Variants in NOP58 observed in about 807,000 individuals in gnomAD.
The protein encoded by NOP58 is nucleolar protein 58.
In NOP58, 44 loss-of-function variants were observed where a neutral mutation model predicts 71.2. The ratio of observed to expected loss-of-function variants is 0.62; its 90% CI spans 0.49 to 0.79. NOP58 has a LOEUF of 0.79. Among genes scored for constraint, NOP58 ranks in the 30% least tolerant of loss-of-function variants. The probability of loss-of-function intolerance (pLI) is 0.00; values close to 1 mark genes in which losing one functional copy is unlikely to be tolerated. For missense variants in NOP58, 538 were observed against 620.2 expected (o/e 0.87, Z 1.41); for synonymous variants, 228 against 200.3 (o/e 1.14, Z -1.17).
At chr2:202,303,209 A>G (rs1689122752) in intron 14 of NOP58, 152 bp downstream of exon 14, 2 of 1,312,296 alleles carry the variant, frequency 1.5e-6, no homozygotes, top group East Asian at 2.3e-5. Flanking sequence ...TATTTATATT[A>G]TAAAAGGCCA....
At chr2:202,277,588 A>T (rs1258085135) in intron 2 of NOP58, among the ~76,000 whole-genome samples, 1 of 152,144 alleles carries the variant, frequency 6.6e-6, no homozygotes, top group Non-Finnish European at 1.5e-5. Flanking sequence ...ATATCATGAG[A>T]TTCCTAAAAA....
At chr2:202,293,509 G>T (rs1037870795) in intron 9 of NOP58, among the ~76,000 whole-genome samples, 1 of 152,150 alleles carries the variant, frequency 6.6e-6, no homozygotes, top group Admixed American at 6.5e-5. Flanking sequence ...TCATTTTTAT[G>T]TTACTTGGAG....
chr2:202,287,593 T>A (rs1316389001), intron 5 of NOP58, 67 bp from the exon 6 acceptor site: 1 of 1,256,394 alleles, frequency 8.0e-7, no homozygotes, highest in Non-Finnish European at 1.2e-6. Flanking sequence ...AAAAAAACTT[T>A]AAGGTGTTAA....
intron 1 of NOP58, among the ~76,000 whole-genome samples, chr2:202,273,378 C>T (rs1334010274): frequency 1.3e-5 from 2 of 152,166 alleles, no homozygotes; most frequent in Non-Finnish European, 2.9e-5. Flanking sequence ...TTCTGTATTA[C>T]ATTTGTCTCA....
chr2:202,284,152 A>G (rs1038064504), intron 4 of NOP58, among the ~76,000 whole-genome samples, 193 bp from the exon 5 acceptor site: 9 of 152,084 alleles, frequency 5.9e-5, no homozygotes, highest in African/African-American at 2.2e-4. Context: ...ATGGTGGCTC[A>G]TGCCTGCAAT....
At position 202,265,788 on chromosome 2, in the gene NOP58, T is replaced by G; in HGVS notation, c.-154T>G. On this transcript the variant is annotated 5_prime_UTR_variant, in exon 1 of 15. Coordinates refer to ENST00000264279, the MANE Select transcript of NOP58 (RefSeq NM_015934.5). ...CTAGTTCCAGTACAGCGTGGAGGGT[T>G]TAGGCAGCGTGTTCTGATTCTTTGC... 1 of 756,824 alleles carries G rather than the reference T, an allele frequency of 1.3e-6. No individual in the cohort carries two copies. The highest frequency in any genetic ancestry group is 2.3e-6 in the Non-Finnish European group (1 of 443,584). 46.9% of individuals were successfully genotyped at this position (756,824 alleles called of 1,614,324 possible). A position where few individuals can be genotyped will look rare whatever the true frequency, so the allele number is the denominator to read the frequency against.
At chr2:202,294,378 T>C (rs190245933) in intron 9 of NOP58, among the ~76,000 whole-genome samples, 99 of 152,176 alleles carry the variant, frequency 6.5e-4, no homozygotes, top group African/African-American at 2.1e-3. Context: ...TGTTACACTT[T>C]TAAAACTATG....
intron 4 of NOP58, among the ~76,000 whole-genome samples, chr2:202,283,403 G>A (rs1381374887): frequency 1.3e-5 from 2 of 150,590 alleles, no homozygotes; most frequent in Non-Finnish European, 2.9e-5. Context: ...GCCTCCCAAA[G>A]TGCTAGGATT....
chr2:202,278,003 G>A lies in NOP58; in HGVS notation c.175+1G>A, dbSNP rs1302697473. On this transcript the variant is annotated splice_donor_variant, in intron 3 of 14. Coordinates refer to ENST00000264279, the MANE Select transcript of NOP58 (RefSeq NM_015934.5). LOFTEE classifies it high-confidence loss of function. ...CAGGATACAGCAGAAGCATTAGCAG[G>A]TAAAGTAAAAAATTAGAAGCTTGCT... 6.5e-7 allele frequency: 1 copy of A among 1,542,412 alleles called. No individual in the cohort carries two copies. The highest frequency in any genetic ancestry group is 1.4e-5 in the African/African-American group (1 of 72,930).
chr2:202,279,654 G>T (rs1208615190), intron 3 of NOP58, among the ~76,000 whole-genome samples: 1 of 152,132 alleles, frequency 6.6e-6, no homozygotes, highest in Non-Finnish European at 1.5e-5. Context: ...AATTAGCCGG[G>T]TGTGGTGGCA....
intron 11 of NOP58, 115 bp downstream of exon 11, chr2:202,297,628 A>G (rs571170901): frequency 1.8e-6 from 2 of 1,111,176 alleles, no homozygotes; most frequent in African/African-American, 3.2e-5. Context: ...AGTATGTCTA[A>G]AGTATTCTTT....
chr2:202,287,830 G>A (rs1012010033), intron 6 of NOP58, 106 bp downstream of exon 6: 3 of 901,844 alleles, frequency 3.3e-6, no homozygotes, highest in Non-Finnish European at 5.3e-6. Context: ...AGAGAAAGGA[G>A]GCCAGGTGTG....
chr2:202,286,580 G>A (rs957322217), intron 5 of NOP58, among the ~76,000 whole-genome samples: 1 of 152,170 alleles, frequency 6.6e-6, no homozygotes, highest in African/African-American at 2.4e-5. Context: ...AGATTGAAAG[G>A]GTTGAAGCTG....
At chr2:202,291,741 A>C (rs1485294464) in intron 8 of NOP58, among the ~76,000 whole-genome samples, 1 of 123,984 alleles carries the variant, frequency 8.1e-6, no homozygotes, top group Non-Finnish European at 1.6e-5. Context: ...AGGGAGGGGG[A>C]GGTTGCAGTG....
chr2:202,290,567 TTC>T lies in NOP58; in HGVS notation c.634+112_634+113del. 3 of 919,652 alleles carry T rather than the reference TTC, an allele frequency of 3.3e-6. No homozygotes were observed. The East Asian group carries it at 7.5e-5, about 23-fold the overall frequency. 57.0% of individuals were successfully genotyped at this position (919,652 alleles called of 1,614,324 possible). On this transcript the variant is annotated intron_variant, in intron 7 of 14. Coordinates refer to ENST00000264279, the MANE Select transcript of NOP58 (RefSeq NM_015934.5). ...GCAAGATTCCCAGGGTTTTTGCAAT[TTC>T]TGTGTATTTGGGAAGTGTAGCAGTT...
At chr2:202,289,886 A>C (rs1260895310) in intron 6 of NOP58, among the ~76,000 whole-genome samples, 1 of 152,196 alleles carries the variant, frequency 6.6e-6, no homozygotes, top group Non-Finnish European at 1.5e-5. Flanking sequence ...TGGTTGCATA[A>C]CATCATAAGA....
rs1442378239 is a variant in NOP58 at position 202,297,301 on chromosome 2, T to G, written c.1072-78T>G. The G allele has an allele frequency of 2.3e-6, 3 of 1,324,444 alleles. No individual in the cohort carries two copies. The Admixed American group carries it at 6.1e-5, about 27-fold the overall frequency. 82.0% of individuals were successfully genotyped at this position (1,324,444 alleles called of 1,614,324 possible). A position where few individuals can be genotyped will look rare whatever the true frequency, so the allele number is the denominator to read the frequency against. ...GTATGATTCATAATAGTTTTATAAC[T>G]CCTGATTTTAAAACATCCAAGTTAT... On this transcript the variant is annotated intron_variant, in intron 10 of 14. Coordinates refer to ENST00000264279, the MANE Select transcript of NOP58 (RefSeq NM_015934.5).
At chr2:202,298,221 T>C (rs1323648666) in intron 12 of NOP58, among the ~76,000 whole-genome samples, 4 of 152,166 alleles carry the variant, frequency 2.6e-5, no homozygotes, top group Non-Finnish European at 5.9e-5. Flanking sequence ...GCACCCCTAA[T>C]TTTTTTCCAT....
chr2:202,277,484 AAAC>A (rs1438558474), intron 2 of NOP58, among the ~76,000 whole-genome samples: 3 of 152,210 alleles, frequency 2.0e-5, no homozygotes, highest in Admixed American at 6.5e-5. Context: ...TCAAAAAAAA[AAAC>A]AAAAAACCAT....
Sources: gnomAD v4.1 joint callset for allele counts (sites outside exome capture counted in the v4.1 genomes callset) on GRCh38, gnomAD v4.1.1 for gene constraint, MANE v1.5 for transcripts, NCBI Gene and HGNC (gene_info 2026-07-23, HGNC 2026-07-21) for gene names.